The following CDH12 variants were observed in gnomAD, a reference collection of about 807,000 sequenced individuals.
CDH12 encodes cadherin-12.
A neutral mutation model predicts 74.1 loss-of-function variants in CDH12; 41 were observed. That is an observed-to-expected ratio of 0.55 (90% CI 0.43 to 0.72). The LOEUF is 0.72. Ranked by LOEUF, CDH12 falls within the 30% of genes least tolerant of loss-of-function variation. The pLI, the probability that CDH12 is intolerant of heterozygous loss-of-function variation, is 0.00. For missense variants in CDH12, 945 were observed against 977.2 expected, an observed-to-expected ratio of 0.97 and a Z score of 0.44; for synonymous variants, 399 against 355.0, an observed-to-expected ratio of 1.12 and a Z score of -1.39.
In CDH12 at chr5:22,724,696, G is replaced by T. The variant is rs1744073351; in HGVS notation, c.-523+128362C>A. 1.3e-5 allele frequency among the ~76,000 whole-genome samples: 2 copies of T among 151,794 alleles called. 1 individual carries two copies. The highest frequency in any genetic ancestry group is 4.8e-5 in the African/African-American group (2 of 41,376). Reference sequence around the variant, plus strand: ...GTGAATTGTGCTGCTCTAAGCATGTGTGTGCATGTGTTAAAGATATTGTTT... The same window carrying T: ...GTGAATTGTGCTGCTCTAAGCATGTTTGTGCATGTGTTAAAGATATTGTTT... On this transcript the variant is annotated intron_variant, in intron 1 of 14. Coordinates refer to ENST00000382254, the MANE Select transcript of CDH12 (RefSeq NM_004061.5).
intron 4 of CDH12, among the ~76,000 whole-genome samples, chr5:22,087,993 T>A (rs572431255): frequency 1.3e-5 from 2 of 152,266 alleles, no homozygotes; most frequent in Admixed American, 6.5e-5. Context: ...TTAGACTCTA[T>A]CATACCCCTG....
At chr5:21,765,870 C>A (rs1561165579) in intron 11 of CDH12, among the ~76,000 whole-genome samples, 1 of 151,932 alleles carries the variant, frequency 6.6e-6, no homozygotes, top group Non-Finnish European at 1.5e-5. Context: ...AAATAATGCA[C>A]CTGTTTGAAC....
At chr5:21,888,762 A>G (rs968744001) in intron 6 of CDH12, among the ~76,000 whole-genome samples, 5 of 152,130 alleles carry the variant, frequency 3.3e-5, no homozygotes, top group African/African-American at 9.6e-5. Flanking sequence ...TGCTTTTTAA[A>G]ATTTAACAAT....
chr5:21,775,847 C>G (rs1745557943), intron 11 of CDH12, among the ~76,000 whole-genome samples: 1 of 151,998 alleles, frequency 6.6e-6, no homozygotes, highest in South Asian at 2.1e-4. Flanking sequence ...TAGAGGCCAA[C>G]AAATATGGTT....
intron 2 of CDH12, among the ~76,000 whole-genome samples, chr5:22,462,394 A>G (rs1326238151): frequency 6.6e-6 from 1 of 152,192 alleles, no homozygotes; most frequent in Non-Finnish European, 1.5e-5. Flanking sequence ...CCCACCTTTT[A>G]GAGGGCTGTT....
chr5:22,373,015 C>G (rs1473049517), intron 3 of CDH12, among the ~76,000 whole-genome samples: 1 of 152,186 alleles, frequency 6.6e-6, no homozygotes, highest in Non-Finnish European at 1.5e-5. Context: ...GCAGCCACCA[C>G]TGCCCCCACC....
At chr5:22,405,930 T>G (rs1580614232) in intron 2 of CDH12, among the ~76,000 whole-genome samples, 2 of 152,298 alleles carry the variant, frequency 1.3e-5, no homozygotes, top group East Asian at 3.9e-4. Context: ...TTACTTATAA[T>G]GCATAATAGA....
intron 5 of CDH12, among the ~76,000 whole-genome samples, chr5:22,003,348 T>C (rs1291181185): frequency 2.0e-5 from 3 of 152,180 alleles, no homozygotes; most frequent in Non-Finnish European, 4.4e-5. Flanking sequence ...TGCTATTCCG[T>C]TATCAAAGCA....
At chr5:21,925,207 C>T (rs1237184574) in intron 6 of CDH12, among the ~76,000 whole-genome samples, 1 of 152,178 alleles carries the variant, frequency 6.6e-6, no homozygotes, top group Non-Finnish European at 1.5e-5. Flanking sequence ...TCCATTTTTA[C>T]AGGCTTTTCC....
chr5:21,755,557 GA>G (rs1260584677), intron 14 of CDH12, 33 bp downstream of exon 14: 3 of 1,592,106 alleles, frequency 1.9e-6, no homozygotes, highest in East Asian at 4.5e-5. Flanking sequence ...GAGAGAGCGA[GA>G]AAAAATTAAC....
Position 22,078,817 on chromosome 5 carries a change from T to G in CDH12, c.-141A>C, listed in dbSNP as rs1199458474. On this transcript the variant is annotated 5_prime_UTR_variant, in exon 5 of 15. Coordinates refer to ENST00000382254, the MANE Select transcript of CDH12 (RefSeq NM_004061.5). ...GAAATGATGATGCAGGCATTAATCC[T>G]TTTGATGAAAAGGCTTCTGCTGTAT... The G allele has an allele frequency of 1.4e-6, 2 of 1,435,488 alleles. No homozygotes were observed. The allele number at this position is 1,435,488 out of a possible 1,614,324, so 88.9% of individuals were successfully genotyped here. A position where few individuals can be genotyped will look rare whatever the true frequency, so the allele number is the denominator to read the frequency against.
intron 4 of CDH12, among the ~76,000 whole-genome samples, chr5:22,139,942 G>A (rs1746692678): frequency 6.6e-6 from 1 of 151,958 alleles, no homozygotes; most frequent in African/African-American, 2.4e-5. Context: ...TTTCCTGCCA[G>A]TTCATCATGA....
At chr5:22,225,625 C>T (rs1293488584) in intron 3 of CDH12, among the ~76,000 whole-genome samples, 1 of 151,856 alleles carries the variant, frequency 6.6e-6, no homozygotes, top group Non-Finnish European at 1.5e-5. Context: ...TTCTAAATTA[C>T]CTAGAGAAAA....
At chr5:22,544,222 G>C (rs965565454) in intron 1 of CDH12, among the ~76,000 whole-genome samples, 3 of 151,876 alleles carry the variant, frequency 2.0e-5, no homozygotes, top group African/African-American at 4.8e-5. Context: ...ATGCAGAGTA[G>C]TATGAAATTA....
chr5:22,283,844 T>C (rs1737022724), intron 3 of CDH12, among the ~76,000 whole-genome samples: 1 of 152,148 alleles, frequency 6.6e-6, no homozygotes, highest in African/African-American at 2.4e-5. Flanking sequence ...TTTCACAATG[T>C]ATGTGTATAT....
rs869052527 is a variant in CDH12, at chr5:22,191,566, ATT to A, written c.-187+20930_-187+20931del. On this transcript the variant is annotated intron_variant, in intron 4 of 14. Coordinates refer to ENST00000382254, the MANE Select transcript of CDH12 (RefSeq NM_004061.5). ...ATACACCAATGGTCTTTTTATTTTTATTTTTTTTTTTTTTTTGAGACGGAGTC... is the reference window on the plus strand; with the variant it reads ...ATACACCAATGGTCTTTTTATTTTTATTTTTTTTTTTTTTGAGACGGAGTC... Among the ~76,000 whole-genome samples the A allele has an allele frequency of 1.3e-3, 31 of 24,678 alleles. 1 individual carries two copies. Among genetic ancestry groups the A allele is most frequent in the African/African-American group, 1.8e-3 (28 of 15,810 alleles). The allele number at this position is 24,678 out of a possible 152,430, so 16.2% of individuals were successfully genotyped here.
At chr5:22,175,651 G>A (rs904379160) in intron 4 of CDH12, among the ~76,000 whole-genome samples, 50 of 152,106 alleles carry the variant, frequency 3.3e-4, no homozygotes, top group Non-Finnish European at 6.8e-4. Flanking sequence ...AATGGGACAT[G>A]CCTGTAAAAG....
At chr5:22,531,278 G>C (rs148892663) in intron 1 of CDH12, among the ~76,000 whole-genome samples, 14 of 152,172 alleles carry the variant, frequency 9.2e-5, no homozygotes, top group South Asian at 2.1e-4. Flanking sequence ...GAGGAGATTA[G>C]AGTTTTCACA....
intron 4 of CDH12, among the ~76,000 whole-genome samples, chr5:22,209,482 A>C (rs994775491): frequency 6.6e-6 from 1 of 152,168 alleles, no homozygotes; most frequent in African/African-American, 2.4e-5. Flanking sequence ...ATCGCATTTC[A>C]ATACAATTAA....
Sources: gnomAD v4.1 joint callset for allele counts (sites outside exome capture counted in the v4.1 genomes callset) on GRCh38, gnomAD v4.1.1 for gene constraint, MANE v1.5 for transcripts, NCBI Gene and HGNC (gene_info 2026-07-23, HGNC 2026-07-21) for gene names.